The following EFCAB6 variants were observed in gnomAD, a reference collection of about 807,000 sequenced individuals.
EFCAB6 encodes the protein EF-hand calcium binding domain 6.
A neutral mutation model predicts 169.8 loss-of-function variants in EFCAB6; 156 were observed. The observed-to-expected ratio is 0.92, with a 90% confidence interval of 0.81 to 1.05. EFCAB6 has a LOEUF of 1.05. EFCAB6 is among the 50% of genes least tolerant of loss of function. The pLI, the probability that EFCAB6 is intolerant of heterozygous loss-of-function variation, is 0.00. For synonymous variants in EFCAB6, 698 were observed against 676.4 expected (o/e 1.03, Z -0.50); for missense variants, 1,800 against 1,829.1 (o/e 0.98, Z 0.29).
intron 10 of EFCAB6, among the ~76,000 whole-genome samples, chr22:43,692,887 A>T (rs998721456): frequency 1.3e-5 from 2 of 152,194 alleles, no homozygotes; most frequent in African/African-American, 2.4e-5. Context: ...GATTTAAGAT[A>T]CACAACAAAC....
At chr22:43,685,870 AT>A (rs1471940327) in intron 11 of EFCAB6, among the ~76,000 whole-genome samples, 1 of 152,200 alleles carries the variant, frequency 6.6e-6, no homozygotes, top group African/African-American at 2.4e-5. Context: ...TGCTTGAAAA[AT>A]ATGTGTCATT....
chr22:43,650,558 G>A (rs563817974), intron 17 of EFCAB6, among the ~76,000 whole-genome samples: 1 of 152,314 alleles, frequency 6.6e-6, no homozygotes, highest in South Asian at 2.1e-4. Context: ...ATTGGTACCA[G>A]TAGAGTGGGG....
intron 10 of EFCAB6, among the ~76,000 whole-genome samples, chr22:43,703,625 GA>G (rs964475530): frequency 2.7e-4 from 41 of 150,092 alleles, no homozygotes; most frequent in African/African-American, 9.0e-4. Flanking sequence ...AGCAATACAT[GA>G]AAAAAAATAA....
intron 2 of EFCAB6, among the ~76,000 whole-genome samples, chr22:43,807,670 T>C (rs1445037810): frequency 6.6e-6 from 1 of 152,216 alleles, no homozygotes; most frequent in Admixed American, 6.5e-5. Flanking sequence ...GCTGGAACTG[T>C]ATCATGGAGA....
chr22:43,584,831 T>C (rs2050953302), intron 24 of EFCAB6, among the ~76,000 whole-genome samples: 1 of 152,306 alleles, frequency 6.6e-6, no homozygotes, highest in East Asian at 1.9e-4. Context: ...AGTGAAATAA[T>C]AATGGATTAC....
chr22:43,806,185 GGGGGA>G (rs1556429695), intron 2 of EFCAB6, among the ~76,000 whole-genome samples: 1 of 135,604 alleles, frequency 7.4e-6, no homozygotes, highest in African/African-American at 2.8e-5. Flanking sequence ...GAGGAGAGGA[GGGGGA>G]GGGGAGGGGA....
At chr22:43,694,193 G>A (rs1338065363) in intron 10 of EFCAB6, among the ~76,000 whole-genome samples, 2 of 151,842 alleles carry the variant, frequency 1.3e-5, no homozygotes, top group African/African-American at 4.8e-5. Flanking sequence ...TGTACTTGGA[G>A]TCACAGAAAG....
chr22:43,664,033 G>A (rs1399991935), intron 17 of EFCAB6, among the ~76,000 whole-genome samples: 2 of 152,244 alleles, frequency 1.3e-5, no homozygotes, highest in Non-Finnish European at 2.9e-5. Flanking sequence ...GCAGCAGGGA[G>A]GTCTCCAAGA....
At chr22:43,539,482 C>T (rs1015774744) in intron 28 of EFCAB6, among the ~76,000 whole-genome samples, 4 of 152,222 alleles carry the variant, frequency 2.6e-5, no homozygotes, top group African/African-American at 9.6e-5. Context: ...GTCAAGGTCA[C>T]GCATAGTGAT....
At chr22:43,547,906 A>G (rs1225059632) in intron 27 of EFCAB6, among the ~76,000 whole-genome samples, 1 of 152,058 alleles carries the variant, frequency 6.6e-6, no homozygotes, top group Non-Finnish European at 1.5e-5. Flanking sequence ...CCTGGCTAAC[A>G]TGGTGAAACC....
chr22:43,558,020 C>A (rs145971994), intron 26 of EFCAB6, among the ~76,000 whole-genome samples: 40 of 152,212 alleles, frequency 2.6e-4, no homozygotes, highest in African/African-American at 7.7e-4. Flanking sequence ...GAGTATTAAT[C>A]AAAAATTATC....
At chr22:43,548,539 C>CAAAAAAAAAAAAAAA (rs397868076) in intron 27 of EFCAB6, among the ~76,000 whole-genome samples, 5 of 36,750 alleles carry the variant, frequency 1.4e-4, no homozygotes, top group Non-Finnish European at 1.8e-4. Context: ...GAATCCATCT[C>CAAAAAAAAAAAAAAA]AAAAAAAAAA....
intron 12 of EFCAB6, among the ~76,000 whole-genome samples, chr22:43,679,553 G>A (rs1017979908): frequency 3.3e-5 from 5 of 152,174 alleles, no homozygotes; most frequent in African/African-American, 9.7e-5. Flanking sequence ...TATAGAAACG[G>A]CCATGCTGTT....
chr22:43,635,038 T>C (rs1291184715), intron 18 of EFCAB6, 64 bp downstream of exon 18: 3 of 1,368,298 alleles, frequency 2.2e-6, no homozygotes, highest in Non-Finnish European at 3.1e-6. Flanking sequence ...GTGGCACTGC[T>C]AGCAAAGACA....
chr22:43,706,449 T>G (rs1000098157), intron 10 of EFCAB6, among the ~76,000 whole-genome samples: 11 of 152,278 alleles, frequency 7.2e-5, no homozygotes, highest in Non-Finnish European at 1.6e-4. Context: ...GTTTGCTTTG[T>G]GTTGGTCTCC....
At chr22:43,541,701 C>G (rs538007320) in intron 27 of EFCAB6, among the ~76,000 whole-genome samples, 1 of 152,204 alleles carries the variant, frequency 6.6e-6, no homozygotes, top group Non-Finnish European at 1.5e-5. Flanking sequence ...TCAGCTCCCC[C>G]ACCTCTGTGT....
At chr22:43,710,317 A>G (rs1210834632) in intron 10 of EFCAB6, among the ~76,000 whole-genome samples, 1 of 152,234 alleles carries the variant, frequency 6.6e-6, no homozygotes, top group African/African-American at 2.4e-5. Context: ...CATCAACAGG[A>G]TGTTGGAGCC....
intron 16 of EFCAB6, among the ~76,000 whole-genome samples, chr22:43,668,602 C>T (rs2057360239): frequency 6.6e-6 from 1 of 152,024 alleles, no homozygotes; most frequent in Non-Finnish European, 1.5e-5. Flanking sequence ...GATTCTTGAC[C>T]CAGGCCAGCC....
At chr22:43,600,652 T>A (rs2052438933) in intron 22 of EFCAB6, among the ~76,000 whole-genome samples, 1 of 152,086 alleles carries the variant, frequency 6.6e-6, no homozygotes, top group Non-Finnish European at 1.5e-5. Flanking sequence ...AGCAGGGTTT[T>A]TTTTTTGTTT....
Sources: gnomAD v4.1 joint callset for allele counts (sites outside exome capture counted in the v4.1 genomes callset) on GRCh38, gnomAD v4.1.1 for gene constraint, MANE v1.5 for transcripts, NCBI Gene and HGNC (gene_info 2026-07-23, HGNC 2026-07-21) for gene names.